PDGFD: variants seen among roughly 807,000 people sequenced by gnomAD.
PDGFD encodes the protein platelet-derived growth factor D.
A neutral mutation model predicts 44.7 loss-of-function variants in PDGFD; 30 were observed. That is an observed-to-expected ratio of 0.67 (90% CI 0.50 to 0.91). PDGFD has a LOEUF of 0.91. Ranked by LOEUF, PDGFD falls within the 40% of genes least tolerant of loss-of-function variation. The pLI, the probability that PDGFD is intolerant of heterozygous loss-of-function variation, is 0.00. For missense variants in PDGFD, 445 were observed against 457.8 expected (o/e 0.97, Z 0.25); for synonymous variants, 173 against 168.4 (o/e 1.03, Z -0.21).
chr11:104,130,781 T>C (rs1026859003), intron 1 of PDGFD, among the ~76,000 whole-genome samples: 2 of 152,192 alleles, frequency 1.3e-5, no homozygotes, highest in African/African-American at 4.8e-5. Flanking sequence ...CTCCCCTGGC[T>C]ACAGCTATTA....
intron 1 of PDGFD, among the ~76,000 whole-genome samples, chr11:104,048,228 C>T (rs1263151749): frequency 7.2e-5 from 11 of 151,990 alleles, no homozygotes; most frequent in Non-Finnish European, 1.6e-4. Flanking sequence ...GACATACTGA[C>T]CCAGACAAAT....
intron 1 of PDGFD, among the ~76,000 whole-genome samples, chr11:104,144,866 A>C (rs896928516): frequency 3.9e-5 from 6 of 152,188 alleles, no homozygotes; most frequent in Non-Finnish European, 7.3e-5. Flanking sequence ...ACCTCTAAGA[A>C]GCCTTCCAGA....
intron 6 of PDGFD, among the ~76,000 whole-genome samples, chr11:103,917,726 G>A (rs1192537571): frequency 6.6e-6 from 1 of 152,080 alleles, no homozygotes; most frequent in Non-Finnish European, 1.5e-5. Flanking sequence ...CTTGGACCTG[G>A]GACCAGGACC....
chr11:104,119,545 AATATATTGATATAAT>A (rs1466593329), intron 1 of PDGFD, among the ~76,000 whole-genome samples: 24 of 89,018 alleles, frequency 2.7e-4, no homozygotes, highest in East Asian at 8.1e-4. Flanking sequence ...TATATAATAT[AATATATTGATATAAT>A]ATATAATATA....
chr11:103,910,571 A>C (rs1858011527), intron 6 of PDGFD, among the ~76,000 whole-genome samples: 1 of 152,220 alleles, frequency 6.6e-6, no homozygotes, highest in Admixed American at 6.5e-5. Context: ...TCTAGTCCAG[A>C]TACTGCACTT....
At chr11:103,943,179 C>A (rs1335586112) in intron 5 of PDGFD, among the ~76,000 whole-genome samples, 1 of 152,004 alleles carries the variant, frequency 6.6e-6, no homozygotes, top group Non-Finnish European at 1.5e-5. Flanking sequence ...TGTCCCTAGT[C>A]CAAAAATCTA....
At chr11:104,161,663 T>C (rs908846556) in intron 1 of PDGFD, among the ~76,000 whole-genome samples, 4 of 152,320 alleles carry the variant, frequency 2.6e-5, no homozygotes, top group African/African-American at 4.8e-5. Context: ...TGCTAGCCCT[T>C]TGAAGGAACA....
At chr11:103,940,247 T>A (rs1348827270) in intron 5 of PDGFD, among the ~76,000 whole-genome samples, 2 of 152,100 alleles carry the variant, frequency 1.3e-5, no homozygotes, top group Non-Finnish European at 2.9e-5. Context: ...TCATTATAAG[T>A]TCTTTACTCA....
chr11:104,084,742 A>G (rs1171705975), intron 1 of PDGFD, among the ~76,000 whole-genome samples: 1 of 145,522 alleles, frequency 6.9e-6, no homozygotes, highest in African/African-American at 2.5e-5. Flanking sequence ...GATATATGTA[A>G]TATATTATAG....
intron 1 of PDGFD, among the ~76,000 whole-genome samples, chr11:104,070,586 C>A (rs763491236): frequency 1.3e-5 from 2 of 152,188 alleles, no homozygotes; most frequent in Admixed American, 6.5e-5. Flanking sequence ...ATTATTTGAG[C>A]TAGCTCCTTC....
chr11:104,056,228 T>C (rs1860614760), intron 1 of PDGFD, among the ~76,000 whole-genome samples: 3 of 152,188 alleles, frequency 2.0e-5, no homozygotes, highest in African/African-American at 4.8e-5. Flanking sequence ...ATTCTTTACA[T>C]TGAACAATGA....
At chr11:103,982,029 CCA>C (rs1825111366) in intron 3 of PDGFD, among the ~76,000 whole-genome samples, 1 of 151,778 alleles carries the variant, frequency 6.6e-6, no homozygotes, top group African/African-American at 2.4e-5. Flanking sequence ...CATTTCTATT[CCA>C]CAGTTTCCCT....
chr11:104,085,926 G>A (rs562602275), intron 1 of PDGFD, among the ~76,000 whole-genome samples: 2 of 152,294 alleles, frequency 1.3e-5, no homozygotes, highest in Admixed American at 6.5e-5. Context: ...GGACTCCCAG[G>A]AATTCTTGTG....
intron 1 of PDGFD, among the ~76,000 whole-genome samples, chr11:104,120,619 T>C (rs567678903): frequency 2.6e-5 from 4 of 151,968 alleles, no homozygotes; most frequent in Non-Finnish European, 5.9e-5. Flanking sequence ...ATCTCGAGAA[T>C]TTGATGGTAT....
At chr11:104,093,630 C>T (rs1242901744) in intron 1 of PDGFD, among the ~76,000 whole-genome samples, 1 of 151,936 alleles carries the variant, frequency 6.6e-6, no homozygotes, top group East Asian at 1.9e-4. Flanking sequence ...CAAACCCCCT[C>T]ACTCCCTCAC....
intron 1 of PDGFD, among the ~76,000 whole-genome samples, chr11:104,024,287 G>C (rs1860008118): frequency 1.3e-5 from 2 of 152,078 alleles, no homozygotes; most frequent in South Asian, 2.1e-4. Flanking sequence ...AAAAAAAAGA[G>C]ATCAGCTTTA....
At chr11:104,161,767 C>T (rs75314236) in intron 1 of PDGFD, among the ~76,000 whole-genome samples, 4,171 of 152,210 alleles carry the variant, frequency 0.027, 206 homozygotes, top group African/African-American at 0.095. Context: ...AATGCATGCT[C>T]ATTTAGGAAA....
At position 104,130,488 on chromosome 11, in the gene PDGFD, G is replaced by T. The variant is rs569486106; in HGVS notation, c.124+33316C>A. Among the ~76,000 whole-genome samples the T allele has an allele frequency of 2.0e-5, 3 of 152,286 alleles. No homozygotes were observed. In the East Asian group the frequency reaches 5.8e-4, roughly 29 times the overall value. On this transcript the variant is annotated intron_variant, in intron 1 of 6. Transcript: ENST00000393158. ...CCACTTTTCTCCAAATGGCTAGAGAGATATTAGCTCTGGAAAGGGCAGTAT... is the reference window on the plus strand; with the variant it reads ...CCACTTTTCTCCAAATGGCTAGAGATATATTAGCTCTGGAAAGGGCAGTAT...
At chr11:103,995,799 G>A (rs1859526073) in intron 3 of PDGFD, among the ~76,000 whole-genome samples, 1 of 152,180 alleles carries the variant, frequency 6.6e-6, no homozygotes, top group African/African-American at 2.4e-5. Flanking sequence ...AGGCAATTTA[G>A]TATCAGCTTT....
Sources: gnomAD v4.1 joint callset for allele counts (sites outside exome capture counted in the v4.1 genomes callset) on GRCh38, gnomAD v4.1.1 for gene constraint, MANE v1.5 for transcripts, NCBI Gene and HGNC (gene_info 2026-07-23, HGNC 2026-07-21) for gene names.